Variants in FOXO3 observed in about 807,000 individuals in gnomAD.
The protein encoded by FOXO3 is forkhead box O3, also known as forkhead box protein O3.
FOXO3 carries 4 observed loss-of-function variants against 41.9 expected under a neutral mutation model. The ratio of observed to expected loss-of-function variants is 0.10; its 90% CI spans 0.05 to 0.22. The LOEUF is 0.22. Ranked by LOEUF, FOXO3 falls within the 10% of genes least tolerant of loss-of-function variation. The pLI is 1.00. For missense variants in FOXO3, 534 were observed against 906.8 expected, an observed-to-expected ratio of 0.59 and a Z score of 5.28; for synonymous variants, 318 against 389.3, an observed-to-expected ratio of 0.82 and a Z score of 2.16.
intron 1 of FOXO3, among the ~76,000 whole-genome samples, chr6:108,635,148 A>G (rs1778088314): frequency 6.6e-6 from 1 of 152,058 alleles, no homozygotes; most frequent in Admixed American, 6.6e-5. Flanking sequence ...TAAAAATACA[A>G]AAATTAGCTG....
chr6:108,648,227 A>G (rs1778446618), intron 1 of FOXO3, among the ~76,000 whole-genome samples: 1 of 152,164 alleles, frequency 6.6e-6, no homozygotes, highest in Admixed American at 6.5e-5. Context: ...CTGCCTTGAG[A>G]TGAGGCAGCC....
intron 1 of FOXO3, among the ~76,000 whole-genome samples, chr6:108,600,261 T>A (rs531132323): frequency 3.3e-5 from 5 of 151,984 alleles, no homozygotes; most frequent in Non-Finnish European, 7.4e-5. Context: ...AAACTATGTG[T>A]GGGCCAGGTA....
chr6:108,562,102 A>G (rs951583712), intron 1 of FOXO3, among the ~76,000 whole-genome samples: 2 of 152,078 alleles, frequency 1.3e-5, no homozygotes, highest in African/African-American at 2.4e-5. Flanking sequence ...GGGCGAACGG[A>G]CAGGAGTACA....
chr6:108,578,925 G>A (rs1776334774), intron 1 of FOXO3, among the ~76,000 whole-genome samples: 1 of 152,200 alleles, frequency 6.6e-6, no homozygotes, highest in African/African-American at 2.4e-5. Context: ...ACCAGGTACA[G>A]ATCCAAACAA....
chr6:108,582,136 A>T (rs950374876), intron 1 of FOXO3, among the ~76,000 whole-genome samples: 8 of 152,302 alleles, frequency 5.3e-5, no homozygotes, highest in African/African-American at 1.9e-4. Context: ...CCTAACCCTC[A>T]CAGGAATAAA....
At chr6:108,561,999 C>G (rs1252277317) in intron 1 of FOXO3, among the ~76,000 whole-genome samples, 170 bp downstream of exon 1, 1 of 151,920 alleles carries the variant, frequency 6.6e-6, no homozygotes, top group African/African-American at 2.4e-5. Flanking sequence ...AGTCGGGGCA[C>G]CTGGGGACGG....
intron 1 of FOXO3, among the ~76,000 whole-genome samples, chr6:108,600,491 G>A (rs1010108513): frequency 7.3e-6 from 1 of 136,368 alleles, no homozygotes; most frequent in Non-Finnish European, 1.5e-5. Flanking sequence ...AGATTGCAGT[G>A]AGCCAAGATT....
At chr6:108,583,236 T>A (rs183010947) in intron 1 of FOXO3, among the ~76,000 whole-genome samples, 1 of 152,302 alleles carries the variant, frequency 6.6e-6, no homozygotes, top group African/African-American at 2.4e-5. Flanking sequence ...GGCTTTTTAT[T>A]TCACTGTGGC....
chr6:108,606,912 A>G (rs1017499002), intron 1 of FOXO3, among the ~76,000 whole-genome samples: 2 of 152,174 alleles, frequency 1.3e-5, no homozygotes, highest in African/African-American at 2.4e-5. Context: ...GAAGAAGACA[A>G]TGCTTGTCCT....
chr6:108,630,711 TA>T (rs1432836827), intron 1 of FOXO3, among the ~76,000 whole-genome samples: 1 of 152,180 alleles, frequency 6.6e-6, no homozygotes, highest in East Asian at 1.9e-4. Context: ...GCATAAGTCT[TA>T]CCACTTCTCT....
At chr6:108,638,299 T>G (rs560242258) in intron 1 of FOXO3, among the ~76,000 whole-genome samples, 51 of 152,336 alleles carry the variant, frequency 3.3e-4, no homozygotes, top group African/African-American at 1.0e-3. Flanking sequence ...TTGTCCACTT[T>G]TCATTTGCTA....
upstream of FOXO3, chr6:108,559,845 G>A (rs991783975): frequency 6.6e-6 from 1 of 152,500 alleles, no homozygotes; most frequent in East Asian, 1.9e-4. Context: ...GGGAGGAGGA[G>A]GAATGTGGAA....
At chr6:108,562,000 C>T (rs566499273) in intron 1 of FOXO3, among the ~76,000 whole-genome samples, 171 bp downstream of exon 1, 3 of 151,914 alleles carry the variant, frequency 2.0e-5, no homozygotes, top group Non-Finnish European at 4.4e-5. Flanking sequence ...GTCGGGGCAC[C>T]TGGGGACGGT....
chr6:108,585,563 A>G (rs993778237), intron 1 of FOXO3, among the ~76,000 whole-genome samples: 2 of 152,190 alleles, frequency 1.3e-5, no homozygotes, highest in African/African-American at 4.8e-5. Flanking sequence ...TTAACTATCC[A>G]GGAAGGCCCT....
At chr6:108,616,383 G>C (rs1204575697) in intron 1 of FOXO3, among the ~76,000 whole-genome samples, 1 of 151,718 alleles carries the variant, frequency 6.6e-6, no homozygotes, top group African/African-American at 2.4e-5. Context: ...AGATGGTCTC[G>C]ATCTCCTGAC....
At chr6:108,649,515 CT>C (rs886836999) in intron 1 of FOXO3, among the ~76,000 whole-genome samples, 1,746 of 95,144 alleles carry the variant, frequency 0.018, 6 homozygotes, top group African/African-American at 0.047. Flanking sequence ...CCACCCTCAG[CT>C]TTTTTTTTTT....
intron 1 of FOXO3, among the ~76,000 whole-genome samples, chr6:108,574,175 A>G (rs1194384983): frequency 1.3e-5 from 2 of 151,354 alleles, no homozygotes; most frequent in Non-Finnish European, 2.9e-5. Flanking sequence ...AAAAAAAAGA[A>G]GAATTAGCGC....
At chr6:108,567,684 A>T (rs951417012) in intron 1 of FOXO3, among the ~76,000 whole-genome samples, 4 of 152,116 alleles carry the variant, frequency 2.6e-5, no homozygotes, top group African/African-American at 9.7e-5. Context: ...CCAAGGCAGG[A>T]GGATTGCCTG....
intron 1 of FOXO3, among the ~76,000 whole-genome samples, chr6:108,658,670 C>T (rs1041189460): frequency 6.6e-6 from 1 of 151,852 alleles, no homozygotes; most frequent in Non-Finnish European, 1.5e-5. Context: ...TGATCTATCC[C>T]CGCTTGGCCT....
Sources: allele counts gnomAD v4.1 joint callset (sites outside exome capture counted in the v4.1 genomes callset), GRCh38; gene constraint gnomAD v4.1.1; transcripts MANE v1.5; gene names NCBI Gene and HGNC (gene_info 2026-07-23, HGNC 2026-07-21).